TRPM3: variants seen among roughly 807,000 people sequenced by gnomAD.
The protein encoded by TRPM3 is long transient receptor potential channel 3.
TRPM3 carries 77 observed loss-of-function variants against 181.2 expected under a neutral mutation model. The ratio of observed to expected loss-of-function variants is 0.42; its 90% CI spans 0.35 to 0.51. The LOEUF (loss-of-function observed/expected upper bound fraction) is 0.51, where lower values mean the gene tolerates loss of function less well. Among genes scored for constraint, TRPM3 ranks in the 20% least tolerant of loss-of-function variants. TRPM3 has a pLI of 0.01. For missense variants in TRPM3, 1,759 were observed against 2,196.7 expected (o/e 0.80, Z 3.98); for synonymous variants, 745 against 796.4 (o/e 0.94, Z 1.09).
chr9:70,963,880 C>T (rs1457209977), intron 1 of TRPM3, among the ~76,000 whole-genome samples: 2 of 152,054 alleles, frequency 1.3e-5, no homozygotes, highest in African/African-American at 4.8e-5. Context: ...TAAAGCAAGA[C>T]TTTAAAATTA....
chr9:71,253,580 T>C (rs2082486478), intron 1 of TRPM3, among the ~76,000 whole-genome samples: 1 of 152,176 alleles, frequency 6.6e-6, no homozygotes, highest in Admixed American at 6.5e-5. Flanking sequence ...AATGGAGCAG[T>C]TGCCCCCAAA....
chr9:71,363,958 A>G (rs1382955062), intron 1 of TRPM3, among the ~76,000 whole-genome samples: 1 of 152,204 alleles, frequency 6.6e-6, no homozygotes, highest in African/African-American at 2.4e-5. Flanking sequence ...AAATCGTTAC[A>G]AAATACATGG....
intron 1 of TRPM3, among the ~76,000 whole-genome samples, chr9:71,256,962 T>G (rs910564477): frequency 6.6e-6 from 1 of 152,196 alleles, no homozygotes; most frequent in East Asian, 1.9e-4. Context: ...ATATTCATAA[T>G]GTATAAATCC....
At chr9:71,317,455 C>T (rs1163224900) in intron 1 of TRPM3, among the ~76,000 whole-genome samples, 1 of 151,992 alleles carries the variant, frequency 6.6e-6, no homozygotes, top group Admixed American at 6.6e-5. Context: ...GCCTGGGCAA[C>T]AATGGTGGAA....
intron 1 of TRPM3, among the ~76,000 whole-genome samples, chr9:71,076,579 C>T (rs1328495747): frequency 6.6e-6 from 1 of 152,186 alleles, no homozygotes; most frequent in African/African-American, 2.4e-5. Flanking sequence ...CCTCTTCCAT[C>T]TCAAAAGCGT....
At chr9:71,005,110 A>G (rs781603001) in intron 1 of TRPM3, among the ~76,000 whole-genome samples, 4 of 152,202 alleles carry the variant, frequency 2.6e-5, no homozygotes, top group Non-Finnish European at 5.9e-5. Context: ...AGGCAACAGC[A>G]TTAAGATAAA....
chr9:71,351,685 T>C (rs1309970833), intron 1 of TRPM3, among the ~76,000 whole-genome samples: 1 of 152,132 alleles, frequency 6.6e-6, no homozygotes, highest in Non-Finnish European at 1.5e-5. Flanking sequence ...GAAGCTATGA[T>C]TTACATAACA....
intron 1 of TRPM3, among the ~76,000 whole-genome samples, chr9:71,434,770 A>G (rs1406002805): frequency 6.6e-6 from 1 of 152,174 alleles, no homozygotes; most frequent in African/African-American, 2.4e-5. Flanking sequence ...CATTTTGAAG[A>G]CTGTGTTAAA....
chr9:71,222,032 GA>G (rs2080273618), intron 1 of TRPM3, among the ~76,000 whole-genome samples: 1 of 152,148 alleles, frequency 6.6e-6, no homozygotes, highest in Admixed American at 6.6e-5. Context: ...TGAAAAGCAA[GA>G]ATTATGTTTA....
chr9:71,142,980 TA>T (rs34661280), intron 1 of TRPM3, among the ~76,000 whole-genome samples: 4,163 of 147,024 alleles, frequency 0.028, 80 homozygotes, highest in Middle Eastern at 0.074. Flanking sequence ...AAGAAAATGT[TA>T]AAAAAAAAAA....
intron 1 of TRPM3, among the ~76,000 whole-genome samples, chr9:70,968,743 C>A (rs984544748): frequency 1.3e-5 from 2 of 151,968 alleles, no homozygotes; most frequent in Admixed American, 6.6e-5. Flanking sequence ...ATGCTTACAA[C>A]AATTATATAA....
intron 8 of TRPM3, among the ~76,000 whole-genome samples, chr9:70,684,570 T>G: frequency 6.6e-6 from 1 of 152,028 alleles, no homozygotes; most frequent in East Asian, 1.9e-4. Flanking sequence ...AAATATTAAT[T>G]ATATATTTTT....
chr9:70,895,153 A>T (rs1301427409), intron 1 of TRPM3, among the ~76,000 whole-genome samples: 1 of 152,240 alleles, frequency 6.6e-6, no homozygotes, highest in Non-Finnish European at 1.5e-5. Flanking sequence ...ATGCCAGTCC[A>T]GATAGATATG....
At chr9:71,165,467 C>A (rs2076494799) in intron 1 of TRPM3, among the ~76,000 whole-genome samples, 1 of 152,130 alleles carries the variant, frequency 6.6e-6, no homozygotes, top group African/African-American at 2.4e-5. Flanking sequence ...TGCACACACA[C>A]ACTTCTAACA....
intron 1 of TRPM3, among the ~76,000 whole-genome samples, chr9:71,239,351 A>G (rs1192124322): frequency 6.6e-6 from 1 of 152,176 alleles, no homozygotes; most frequent in Non-Finnish European, 1.5e-5. Flanking sequence ...TACATCCACT[A>G]TAGTTCAATA....
At chr9:70,828,505 C>T (rs184011554) in intron 5 of TRPM3, among the ~76,000 whole-genome samples, 313 of 148,492 alleles carry the variant, frequency 2.1e-3, no homozygotes, top group Non-Finnish European at 3.9e-3. Flanking sequence ...TTGAAGGTCT[C>T]TTATTTAAAA....
chr9:71,185,016 G>T (rs528569453), intron 1 of TRPM3, among the ~76,000 whole-genome samples: 1 of 152,078 alleles, frequency 6.6e-6, no homozygotes, highest in African/African-American at 2.4e-5. Context: ...GCCTAAGACT[G>T]GTCAGTCTTC....
At chr9:70,842,002 A>G (rs2094699957) in intron 5 of TRPM3, among the ~76,000 whole-genome samples, 4 of 152,094 alleles carry the variant, frequency 2.6e-5, no homozygotes, top group Middle Eastern at 3.4e-3. Context: ...GGGTACACTA[A>G]AAGCCTAGAT....
At chr9:71,304,427 A>C (rs145834557) in intron 1 of TRPM3, among the ~76,000 whole-genome samples, 2 of 152,172 alleles carry the variant, frequency 1.3e-5, no homozygotes, top group Non-Finnish European at 2.9e-5. Context: ...TAATGTAAGG[A>C]CTGGTTTAAG....
Sources: allele counts gnomAD v4.1 joint callset (sites outside exome capture counted in the v4.1 genomes callset), GRCh38; gene constraint gnomAD v4.1.1; transcripts MANE v1.5; gene names NCBI Gene and HGNC (gene_info 2026-07-23, HGNC 2026-07-21).